The following UBASH3B variants were observed in gnomAD, a reference collection of about 807,000 sequenced individuals.
UBASH3B encodes the protein ubiquitin associated and SH3 domain containing B, also known as ubiquitin-associated and SH3 domain-containing protein B.
Under a neutral mutation model 83.4 loss-of-function variants are expected in UBASH3B, and 37 were observed. The ratio of observed to expected loss-of-function variants is 0.44; its 90% confidence interval spans 0.34 to 0.58. The LOEUF (loss-of-function observed/expected upper bound fraction) is 0.58. UBASH3B is among the 20% of genes least tolerant of loss of function. The pLI, the probability that UBASH3B is intolerant of heterozygous loss-of-function variation, is 0.01. For synonymous variants in UBASH3B, 304 were observed against 318.3 expected, an observed-to-expected ratio of 0.96 and a Z score of 0.48; for missense variants, 657 against 827.2, an observed-to-expected ratio of 0.79 and a Z score of 2.52.
intron 1 of UBASH3B, among the ~76,000 whole-genome samples, chr11:122,746,062 G>T (rs142269843): frequency 1.3e-5 from 2 of 152,174 alleles, no homozygotes; most frequent in African/African-American, 4.8e-5. Flanking sequence ...TGAACGGATG[G>T]GTGGGTGGGC....
At chr11:122,694,966 T>TTTTTTTTTTTTTTTTTTTTTG (rs1863947041) in intron 1 of UBASH3B, among the ~76,000 whole-genome samples, 1 of 124,938 alleles carries the variant, frequency 8.0e-6, no homozygotes. Flanking sequence ...TTTTTTTTTT[T>TTTTTTTTTTTTTTTTTTTTTG]TTTTTTTTTT....
At chr11:122,694,806 T>C (rs1270153800) in intron 1 of UBASH3B, among the ~76,000 whole-genome samples, 1 of 151,970 alleles carries the variant, frequency 6.6e-6, no homozygotes, top group Non-Finnish European at 1.5e-5. Flanking sequence ...AGTGTCAAGA[T>C]TTAGTGTGCC....
At chr11:122,750,718 C>T (rs1023902651) in intron 1 of UBASH3B, among the ~76,000 whole-genome samples, 2 of 152,078 alleles carry the variant, frequency 1.3e-5, no homozygotes, top group African/African-American at 2.4e-5. Flanking sequence ...CTCAGAGTGA[C>T]GATCCTGATT....
chr11:122,744,896 TGTGCGC>T (rs796584291), intron 1 of UBASH3B, among the ~76,000 whole-genome samples: 13,091 of 123,050 alleles, frequency 0.11, 635 homozygotes, highest in South Asian at 0.17. Flanking sequence ...TGTGTGTGTG[TGTGCGC>T]GCGCGCGCGC....
In UBASH3B at chr11:122,779,601, G is replaced by T. The variant is rs140669282; in HGVS notation, c.507G>T (p.Ser169=). 1.9e-6 allele frequency: 3 copies of T among 1,614,160 alleles called. No homozygotes were observed. Among genetic ancestry groups the T allele is most frequent in the African/African-American group, 2.7e-5 (2 of 75,046 alleles). ...CGCTGCCCCTGGAGCTCTATACGTC[G>T]TCCAACTTCATCGGCCTCTTTGTAA... is the stretch of plus-strand genomic sequence containing the variant. ...SAPLPLELYT[S]SNFIGLFVKE... The change falls in exon 4 of 14, where the codon TCG becomes TCT. Residue 169 remains serine (S), a synonymous_variant. Transcript: ENST00000284273.
intron 1 of UBASH3B, among the ~76,000 whole-genome samples, chr11:122,675,501 C>T (rs890078705): frequency 1.3e-5 from 2 of 152,194 alleles, no homozygotes; most frequent in Non-Finnish European, 2.9e-5. Flanking sequence ...TCTGTTTGGT[C>T]TGAGACCATG....
intron 1 of UBASH3B, among the ~76,000 whole-genome samples, chr11:122,680,486 G>A (rs1268700673): frequency 2.0e-5 from 3 of 152,120 alleles, no homozygotes; most frequent in South Asian, 2.1e-4. Flanking sequence ...TTTTTGAAAC[G>A]GAGTTTCGCT....
At position 122,798,949 on chromosome 11, in the gene UBASH3B, CT is replaced by C; in HGVS notation, c.1367del (p.Leu456TyrfsTer2). On this transcript the variant is annotated frameshift_variant, in exon 10 of 14. Coordinates refer to ENST00000284273, the MANE Select transcript of UBASH3B (RefSeq NM_032873.5). LOFTEE classifies it high-confidence loss of function. ...TTGTGGTTTTCTTTGCAGGTGAAGCCTTATTAGAGAGCAATACCATTATCGA... is the reference window on the plus strand; with the variant it reads ...TTGTGGTTTTCTTTGCAGGTGAAGCCTATTAGAGAGCAATACCATTATCGA... ...CMQARLVGEA[L>X]LESNTIIDHV... 5.0e-6 allele frequency: 8 copies of C among 1,613,826 alleles called. No homozygotes were observed. Among genetic ancestry groups the C allele is most frequent in the Non-Finnish European group, 6.8e-6 (8 of 1,179,880 alleles).
intron 1 of UBASH3B, among the ~76,000 whole-genome samples, chr11:122,707,854 C>T (rs1456839320): frequency 2.6e-5 from 4 of 152,082 alleles, no homozygotes. Context: ...GCCACCACAC[C>T]CAGCTAATTT....
chr11:122,667,288 C>CA (rs1863532851), intron 1 of UBASH3B, among the ~76,000 whole-genome samples: 1 of 151,930 alleles, frequency 6.6e-6, no homozygotes, highest in East Asian at 1.9e-4. Context: ...CTCAGGTGAT[C>CA]ACCCGCCTCA....
chr11:122,784,898 A>G (rs1480428555), intron 5 of UBASH3B, among the ~76,000 whole-genome samples: 1 of 152,136 alleles, frequency 6.6e-6, no homozygotes, highest in Non-Finnish European at 1.5e-5. Flanking sequence ...ATCTTATTTA[A>G]GAATTCTGAC....
chr11:122,807,954 G>A, intron 12 of UBASH3B, 113 bp from the exon 13 acceptor site: 1 of 790,010 alleles, frequency 1.3e-6, no homozygotes, highest in African/African-American at 1.7e-5. Flanking sequence ...TAGGCAAATT[G>A]TCTTCTTGAG....
intron 1 of UBASH3B, among the ~76,000 whole-genome samples, chr11:122,748,801 T>A (rs1328131627): frequency 6.6e-6 from 1 of 152,238 alleles, no homozygotes; most frequent in Non-Finnish European, 1.5e-5. Flanking sequence ...CTGGGTCTCT[T>A]GCACACGCTT....
intron 1 of UBASH3B, 118 bp downstream of exon 1, chr11:122,656,328 G>A (rs1328076122): frequency 3.7e-6 from 4 of 1,086,586 alleles, no homozygotes; most frequent in African/African-American, 1.6e-5. Flanking sequence ...CCCGCTGCCC[G>A]AGACCTGTTG....
intron 1 of UBASH3B, among the ~76,000 whole-genome samples, chr11:122,683,997 C>T (rs1362849445): frequency 6.6e-6 from 1 of 152,048 alleles, no homozygotes; most frequent in African/African-American, 2.4e-5. Context: ...ATAGTTAAGT[C>T]AAGAGGAAAC....
At chr11:122,689,340 A>G (rs1863854210) in intron 1 of UBASH3B, among the ~76,000 whole-genome samples, 1 of 152,170 alleles carries the variant, frequency 6.6e-6, no homozygotes, top group African/African-American at 2.4e-5. Context: ...TTTCTAGTAC[A>G]TGAATATACT....
chr11:122,757,161 C>T (rs764492657), intron 1 of UBASH3B, among the ~76,000 whole-genome samples: 17 of 152,232 alleles, frequency 1.1e-4, no homozygotes, highest in Non-Finnish European at 2.5e-4. Flanking sequence ...CAGTACTGGG[C>T]ATGTTACTGT....
chr11:122,781,376 C>G (rs1195241952), intron 4 of UBASH3B, among the ~76,000 whole-genome samples: 1 of 152,212 alleles, frequency 6.6e-6, no homozygotes, highest in Admixed American at 6.5e-5. Context: ...TAAATCCCCA[C>G]AAGGACCAAA....
At position 122,776,376 on chromosome 11, in the gene UBASH3B, G is replaced by T. The variant is rs189200370; in HGVS notation, c.215+104G>T. 3.7e-6 allele frequency: 4 copies of T among 1,071,292 alleles called. No individual in the cohort carries two copies. In the Admixed American group the frequency reaches 1.1e-4, roughly 30 times the overall value. 66.4% of individuals were successfully genotyped at this position (1,071,292 alleles called of 1,614,324 possible). The stretch of plus-strand genomic sequence containing the variant: ...CTTTCTCTAATGGACCCTTCCAGAA[G>T]AGACAGGAGCCAAAAGACTGTGGCA... On this transcript the variant is annotated intron_variant, in intron 2 of 13. Coordinates refer to ENST00000284273, the MANE Select transcript of UBASH3B (RefSeq NM_032873.5).
Sources: gnomAD v4.1 joint callset for allele counts (sites outside exome capture counted in the v4.1 genomes callset) on GRCh38, gnomAD v4.1.1 for gene constraint, MANE v1.5 for transcripts, NCBI Gene and HGNC (gene_info 2026-07-23, HGNC 2026-07-21) for gene names.